The following ADAM12 variants were observed in gnomAD, a reference collection of about 807,000 sequenced individuals.
ADAM12 encodes the protein ADAM metallopeptidase domain 12.
In ADAM12, 70 loss-of-function variants were observed where a neutral mutation model predicts 106.4. The ratio of observed to expected loss-of-function variants is 0.66; its 90% CI spans 0.54 to 0.80. The LOEUF (loss-of-function observed/expected upper bound fraction) is 0.80, where lower values mean the gene tolerates loss of function less well. ADAM12 is among the 30% of genes least tolerant of loss of function. ADAM12 has a pLI of 0.00. For synonymous variants in ADAM12, 420 were observed against 433.5 expected, an observed-to-expected ratio of 0.97 and a Z score of 0.39; for missense variants, 1,010 against 1,171.9, an observed-to-expected ratio of 0.86 and a Z score of 2.02.
At chr10:126,355,679 T>A (rs547254263) in intron 1 of ADAM12, among the ~76,000 whole-genome samples, 44 of 152,348 alleles carry the variant, frequency 2.9e-4, no homozygotes, top group African/African-American at 9.6e-4. Flanking sequence ...CTAGCTTCTC[T>A]AGCATTCTGA....
At chr10:126,226,275 A>T (rs1375801745) in intron 3 of ADAM12, among the ~76,000 whole-genome samples, 1 of 152,194 alleles carries the variant, frequency 6.6e-6, no homozygotes, top group Non-Finnish European at 1.5e-5. Context: ...CCAGGACAGA[A>T]TCAGAACCAT....
intron 11 of ADAM12, among the ~76,000 whole-genome samples, chr10:126,078,118 C>G (rs1955138477): frequency 6.6e-6 from 1 of 152,178 alleles, no homozygotes; most frequent in Non-Finnish European, 1.5e-5. Context: ...GTGCCTAGAG[C>G]AAAGCAGGTG....
In ADAM12 at chr10:126,155,271, AGT is replaced by A. The variant is rs1355088833; in HGVS notation, c.293_294del (p.His98LeufsTer7). 3 of 1,614,172 alleles carry A rather than the reference AGT, an allele frequency of 1.9e-6. No homozygotes were observed. The highest frequency in any genetic ancestry group is 2.5e-6 in the Non-Finnish European group (3 of 1,180,018). On this transcript the variant is annotated frameshift_variant, in exon 4 of 23. Coordinates refer to ENST00000448723, the MANE Select transcript of ADAM12 (RefSeq NM_001288973.2). LOFTEE classifies it high-confidence loss of function. ...GAGACATCAGTACCGTCTTGCAGAT[AGT>A]GGGTTTCCGTGAAACTGCTGGCAAT... The part of the protein sequence containing the change: ...GLIASSFTET[H>X]YLQDGTDVSL...
At chr10:126,039,702 C>T (rs1429635637) in intron 18 of ADAM12, among the ~76,000 whole-genome samples, 1 of 152,154 alleles carries the variant, frequency 6.6e-6, no homozygotes, top group Non-Finnish European at 1.5e-5. Flanking sequence ...ACGCAGGTTC[C>T]CTGAGGCGTG....
chr10:126,343,923 C>T (rs762880007), intron 1 of ADAM12, among the ~76,000 whole-genome samples: 1 of 152,064 alleles, frequency 6.6e-6, no homozygotes. Flanking sequence ...GCATATTAGC[C>T]CTTTGTCAGA....
intron 3 of ADAM12, among the ~76,000 whole-genome samples, chr10:126,201,650 T>C (rs748631249): frequency 3.9e-5 from 6 of 151,992 alleles, no homozygotes; most frequent in South Asian, 4.2e-4. Flanking sequence ...GAACTGGCAA[T>C]GTACAGGGAA....
chr10:126,018,910 C>G (rs1953708606), intron 22 of ADAM12, among the ~76,000 whole-genome samples: 1 of 152,192 alleles, frequency 6.6e-6, no homozygotes, highest in Non-Finnish European at 1.5e-5. Context: ...CGACTAATGT[C>G]TCAGGACCTC....
intron 14 of ADAM12, among the ~76,000 whole-genome samples, chr10:126,063,057 T>C (rs566705392): frequency 6.6e-6 from 1 of 152,358 alleles, no homozygotes; most frequent in South Asian, 2.1e-4. Context: ...CCACTGCTCC[T>C]GCCCCCTGCT....
intron 1 of ADAM12, among the ~76,000 whole-genome samples, chr10:126,345,233 AG>A (rs1855092041): frequency 6.6e-6 from 1 of 152,168 alleles, no homozygotes; most frequent in African/African-American, 2.4e-5. Context: ...TTTAGCATGA[AG>A]GGCTGTTGAA....
intron 5 of ADAM12, among the ~76,000 whole-genome samples, chr10:126,120,908 A>T (rs12256295): frequency 0.057 from 4,868 of 86,112 alleles, 202 homozygotes; most frequent in East Asian, 0.2. Context: ...ATATTATATA[A>T]TATATATGCA....
chr10:126,038,846 C>A (rs1954104100), intron 19 of ADAM12, among the ~76,000 whole-genome samples: 1 of 152,006 alleles, frequency 6.6e-6, no homozygotes, highest in African/African-American at 2.4e-5. Flanking sequence ...AACAAGAAAC[C>A]CCCCAAAAAA....
chr10:126,187,655 C>T (rs1415232701), intron 3 of ADAM12, among the ~76,000 whole-genome samples: 2 of 152,204 alleles, frequency 1.3e-5, no homozygotes, highest in African/African-American at 4.8e-5. Context: ...TTCAAAGTGA[C>T]TTCACAGAGG....
In ADAM12 at chr10:126,049,636, C is replaced by T. The variant is rs763525084; in HGVS notation, c.1643G>A (p.Arg548Lys). Residue 548 changes from arginine to lysine, a missense_variant, in exon 15 of 23, where the codon AGA becomes AAA. Arg to Lys is a conservative substitution (Grantham distance 26). Coordinates refer to ENST00000448723, the MANE Select transcript of ADAM12 (RefSeq NM_001288973.2). This position sits in a 1 kb window ranked among gnomAD's most constrained non-coding sequence, Gnocchi z 4.4. The part of the protein sequence containing the change: ...AKPAPGICFE[R>K]VNSAGDPYGN... ...ATAAGGATCACCTGCAGAATTGACTCTCTCAAAGCAGATCCCAGGGGCAGG... is the reference window on the plus strand; with the variant it reads ...ATAAGGATCACCTGCAGAATTGACTTTCTCAAAGCAGATCCCAGGGGCAGG... 1 of 1,614,178 alleles carries T rather than the reference C, an allele frequency of 6.2e-7. No homozygotes were observed.
chr10:126,217,315 A>G (rs1450541016), intron 3 of ADAM12, among the ~76,000 whole-genome samples: 1 of 151,878 alleles, frequency 6.6e-6, no homozygotes, highest in East Asian at 1.9e-4. Context: ...AAAAATAAAT[A>G]CCTCAAATTT....
Position 126,323,240 on chromosome 10 carries a change from T to A in ADAM12, c.186+7172A>T, listed in dbSNP as rs117602777. 5.3e-5 allele frequency among the ~76,000 whole-genome samples: 8 copies of A among 152,332 alleles called. No individual in the cohort carries two copies. The East Asian group carries it at 1.5e-3, about 29-fold the overall frequency. ...AACTATTGAGCCTGTTCAGCCAAGC[T>A]GGAGGTGCTACCATCTAGCCTGAGC... is the stretch of plus-strand genomic sequence containing the variant. On this transcript the variant is annotated intron_variant, in intron 2 of 22. Coordinates refer to ENST00000448723, the MANE Select transcript of ADAM12 (RefSeq NM_001288973.2).
At chr10:126,168,657 A>G (rs1957066858) in intron 3 of ADAM12, among the ~76,000 whole-genome samples, 1 of 152,178 alleles carries the variant, frequency 6.6e-6, no homozygotes, top group Non-Finnish European at 1.5e-5. Context: ...TCTGTTTTTC[A>G]TACACCAGCC....
chr10:126,019,060 A>T (rs1953711062), intron 22 of ADAM12, among the ~76,000 whole-genome samples: 1 of 152,174 alleles, frequency 6.6e-6, no homozygotes, highest in African/African-American at 2.4e-5. Flanking sequence ...TAGATCCTTC[A>T]TGAATGGTTT....
chr10:126,036,253 G>T lies in ADAM12; in HGVS notation c.2422C>A (p.Gln808Lys), dbSNP rs1954058004. The change falls in exon 21 of 23, where the codon CAG (glutamine) becomes AAG (lysine). Residue 808 changes from glutamine (Q) to lysine (K), a missense_variant. By Grantham distance (53) the Gln-to-Lys change is moderately conservative (BLOSUM62 1). Around this residue, in one of 3 missense-constraint regions of ADAM12, gnomAD observed 615 missense variants for 708.5 expected, o/e 0.87. Coordinates refer to ENST00000448723, the MANE Select transcript of ADAM12 (RefSeq NM_001288973.2). ...AGCACTCGCTGAGTTGACTGGGGCT[G>T]AGGGACATTCAGGCCGTTGAGGGGT... Reference protein sequence around the residue: ...SRPLNGLNVPQPQSTQRVLPP... With the variant: ...SRPLNGLNVPKPQSTQRVLPP... The T allele has an allele frequency of 1.3e-6, 2 of 1,557,592 alleles. No individual in the cohort carries two copies. The highest frequency in any genetic ancestry group is 4.9e-5 in the East Asian group (2 of 40,438).
At chr10:126,286,737 G>A (rs146241244) in intron 2 of ADAM12, among the ~76,000 whole-genome samples, 1 of 152,104 alleles carries the variant, frequency 6.6e-6, no homozygotes, top group Non-Finnish European at 1.5e-5. Context: ...ATTATAATGG[G>A]GTGTCCCTGG....
Sources: allele counts gnomAD v4.1 joint callset (sites outside exome capture counted in the v4.1 genomes callset), GRCh38; gene constraint gnomAD v4.1.1; regional missense constraint gnomAD v4.1.1; non-coding constraint Gnocchi (gnomAD v3.1); transcripts MANE v1.5; gene names NCBI Gene and HGNC (gene_info 2026-07-23, HGNC 2026-07-21).